The following APELA variants were observed in gnomAD, a reference collection of about 807,000 sequenced individuals.
The protein encoded by APELA is apelin receptor early endogenous ligand.
Position 164,877,365 on chromosome 4 carries a change from A to G in APELA, c.34A>G (p.Ile12Val). The G allele has an allele frequency of 5.0e-6, 2 of 398,848 alleles. No homozygotes were observed. The highest frequency in any genetic ancestry group is 8.8e-6 in the Non-Finnish European group (2 of 226,018). 24.7% of individuals were successfully genotyped at this position (398,848 alleles called of 1,614,324 possible). ...TCAGCAATTCCTTTTTGCATTTTTT[A>G]TTTTTATTATGAGTCTTCTCCTTAT... ...RFQQFLFAFF[I>V]FIMSLLLISG... Residue 12 changes from isoleucine to valine, a missense_variant, in exon 1 of 3, where the codon ATT becomes GTT. Transcript: ENST00000507152.
At chr4:164,881,342 A>C (rs1366168697) in intron 2 of APELA, among the ~76,000 whole-genome samples, 1 of 152,158 alleles carries the variant, frequency 6.6e-6, no homozygotes, top group African/African-American at 2.4e-5. Context: ...TAAGGTAAAC[A>C]ATTGACTTTG....
intron 1 of APELA, among the ~76,000 whole-genome samples, chr4:164,878,665 A>G (rs1437491966): frequency 1.3e-5 from 2 of 152,204 alleles, no homozygotes; most frequent in East Asian, 3.8e-4. Flanking sequence ...GGATATTACT[A>G]TTAAGATGTT....
intron 2 of APELA, among the ~76,000 whole-genome samples, chr4:164,893,143 AT>A (rs1190615493): frequency 1.3e-5 from 2 of 151,866 alleles, no homozygotes; most frequent in Non-Finnish European, 2.9e-5. Context: ...CTTCTGCCTG[AT>A]TTAGGTTTTG....
chr4:164,883,958 AG>A (rs1438676824), intron 2 of APELA, among the ~76,000 whole-genome samples: 1 of 151,484 alleles, frequency 6.6e-6, no homozygotes, highest in East Asian at 1.9e-4. Flanking sequence ...AGACAAAGAC[AG>A]AAAGAAAGAG....
chr4:164,898,394 C>T (rs1486465012), downstream of APELA, among the ~76,000 whole-genome samples: 6 of 150,006 alleles, frequency 4.0e-5, 1 homozygote, highest in South Asian at 8.5e-4. Flanking sequence ...CCCAGCTACT[C>T]GGGAGGCTGA....
chr4:164,889,625 G>A (rs1034986841), intron 2 of APELA, among the ~76,000 whole-genome samples: 3 of 152,040 alleles, frequency 2.0e-5, no homozygotes, highest in East Asian at 1.9e-4. Flanking sequence ...ATAGGTAAAC[G>A]TGTGCCATGG....
chr4:164,877,794 A>G (rs1730582542), intron 1 of APELA, among the ~76,000 whole-genome samples: 1 of 152,204 alleles, frequency 6.6e-6, no homozygotes, highest in Non-Finnish European at 1.5e-5. Flanking sequence ...TTTAAAAAGT[A>G]TGTTGCTGCC....
Position 164,897,182 on chromosome 4 carries a change from G to A in APELA, c.*1768G>A, listed in dbSNP as rs1730994111. ...ATGAAAGGTTGGGGTTAATATAAAT[G>A]TAATTTTAAATAGAAAATCTGACAA... On this transcript the variant is annotated 3_prime_UTR_variant, in exon 3 of 3. Transcript: ENST00000507152. 1 of 152,198 alleles carries A rather than the reference G, an allele frequency of 6.6e-6. No individual in the cohort carries two copies. The allele number at this position is 152,198 out of a possible 1,614,324, so 9.4% of individuals were successfully genotyped here. A position where few individuals can be genotyped will look rare whatever the true frequency, so the allele number is the denominator to read the frequency against.
chr4:164,878,381 T>C (rs1730598565), intron 1 of APELA, among the ~76,000 whole-genome samples: 1 of 152,314 alleles, frequency 6.6e-6, no homozygotes, highest in South Asian at 2.1e-4. Context: ...CTTTGCTTTT[T>C]AGTGAATTAG....
chr4:164,881,966 C>G (rs527887762), intron 2 of APELA, among the ~76,000 whole-genome samples: 1 of 151,914 alleles, frequency 6.6e-6, no homozygotes, highest in African/African-American at 2.4e-5. Flanking sequence ...ATCATTTGAG[C>G]CCAGGAGTTT....
intron 2 of APELA, among the ~76,000 whole-genome samples, chr4:164,883,930 AAGAC>A (rs1396107254): frequency 6.7e-6 from 1 of 149,710 alleles, no homozygotes; most frequent in Non-Finnish European, 1.5e-5. Flanking sequence ...AAAAAAAAAA[AAGAC>A]AGAAAGACGA....
Position 164,893,527 on chromosome 4 carries a change from C to T in APELA, c.*2-1889C>T, listed in dbSNP as rs190564691. Among the ~76,000 whole-genome samples the T allele has an allele frequency of 2.7e-3, 417 of 152,180 alleles. 2 individuals carry two copies. The highest frequency in any genetic ancestry group is 4.3e-3 in the Non-Finnish European group (291 of 67,980). On this transcript the variant is annotated intron_variant, in intron 2 of 2. Coordinates refer to ENST00000507152, the MANE Select transcript of APELA (RefSeq NM_001297550.2). ...TATATCTTCATAATTGTTCTATCTTCCTCAGTTGACCCTTTTAGCATTATA... is the reference window on the plus strand; with the variant it reads ...TATATCTTCATAATTGTTCTATCTTTCTCAGTTGACCCTTTTAGCATTATA...
chr4:164,886,800 T>A (rs140394027), intron 2 of APELA, among the ~76,000 whole-genome samples: 90 of 151,896 alleles, frequency 5.9e-4, no homozygotes, highest in African/African-American at 2.1e-3. Context: ...TGTTCTAGAG[T>A]TTCAAAGTTT....
chr4:164,887,094 C>CT (rs1315020756), intron 2 of APELA, among the ~76,000 whole-genome samples: 2 of 152,130 alleles, frequency 1.3e-5, no homozygotes, highest in African/African-American at 4.8e-5. Context: ...TCATAAAGTG[C>CT]TGGGATTACA....
intron 2 of APELA, among the ~76,000 whole-genome samples, chr4:164,884,392 G>A (rs1374736625): frequency 6.6e-6 from 1 of 152,098 alleles, no homozygotes; most frequent in Non-Finnish European, 1.5e-5. Context: ...TTCTGCGGAA[G>A]GTCCATTATG....
chr4:164,889,127 C>A (rs1300185300), intron 2 of APELA, among the ~76,000 whole-genome samples: 2 of 151,970 alleles, frequency 1.3e-5, no homozygotes, highest in Non-Finnish European at 2.9e-5. Context: ...CCTCAGCCCC[C>A]CAATAACTTC....
Position 164,877,394 on chromosome 4 carries a change from C to G in APELA, c.63C>G (p.Ser21Arg). The G allele has an allele frequency of 2.5e-6, 1 of 398,972 alleles. No homozygotes were observed. Among genetic ancestry groups the G allele is most frequent in the Non-Finnish European group, 4.4e-6 (1 of 226,032 alleles). 24.7% of individuals were successfully genotyped at this position (398,972 alleles called of 1,614,324 possible). ...TTATTATGAGTCTTCTCCTTATCAG[C>G]GGACAGAGACCAGGTAGGCCTTTGA... ...FIFIMSLLLI[S>R]GQRPVNLTMR... The change falls in exon 1 of 3, where the codon AGC (serine) becomes AGG (arginine). Residue 21 changes from serine (S) to arginine (R), a missense_variant. Coordinates refer to ENST00000507152, the MANE Select transcript of APELA (RefSeq NM_001297550.2).
chr4:164,878,200 G>GAAAGAAAGAAAGAA (rs1371950597), intron 1 of APELA, among the ~76,000 whole-genome samples: 1 of 147,332 alleles, frequency 6.8e-6, no homozygotes, highest in Non-Finnish European at 1.5e-5. Flanking sequence ...ACAGAAAAAA[G>GAAAGAAAGAAAGAA]AAAGAAAGAA....
intron 2 of APELA, among the ~76,000 whole-genome samples, chr4:164,880,922 C>T (rs1730642678): frequency 6.6e-6 from 1 of 152,176 alleles, no homozygotes; most frequent in Non-Finnish European, 1.5e-5. Flanking sequence ...GCTTATAAAA[C>T]TGCTTGGGTG....
Sources: gnomAD v4.1 joint callset for allele counts (sites outside exome capture counted in the v4.1 genomes callset) on GRCh38, gnomAD v4.1.1 for gene constraint, MANE v1.5 for transcripts, NCBI Gene and HGNC (gene_info 2026-07-23, HGNC 2026-07-21) for gene names.